RBM27: variants seen among roughly 807,000 people sequenced by gnomAD.
RBM27 encodes the protein RNA-binding protein 27.
RBM27 carries 22 observed loss-of-function variants against 135.3 expected under a neutral mutation model. The observed-to-expected ratio is 0.16, with a 90% CI of 0.12 to 0.23. The LOEUF (loss-of-function observed/expected upper bound fraction) is 0.23. Ranked by LOEUF, RBM27 falls within the 10% of genes least tolerant of loss-of-function variation. The pLI is 1.00. For missense variants in RBM27, 1,009 were observed against 1,281.0 expected, an observed-to-expected ratio of 0.79 and a Z score of 3.24; for synonymous variants, 481 against 442.4, an observed-to-expected ratio of 1.09 and a Z score of -1.10.
In RBM27 at chr5:146,280,106, C is replaced by T. The variant is rs1313013984; in HGVS notation, c.2989-4516C>T. On this transcript the variant is annotated intron_variant, in intron 19 of 20. Transcript: ENST00000265271. ...GTCTCAAGTCACCTGTCACCCAGGC[C>T]GGAGTGCAGTGGTACGATCTCAGCT... Among the ~76,000 whole-genome samples the T allele has an allele frequency of 7.2e-5, 11 of 151,764 alleles. 1 individual carries two copies. The East Asian group carries it at 1.2e-3, about 16-fold the overall frequency.
intron 14 of RBM27, among the ~76,000 whole-genome samples, chr5:146,263,914 G>A (rs1758501528): frequency 6.6e-6 from 1 of 151,186 alleles, no homozygotes; most frequent in Non-Finnish European, 1.5e-5. Flanking sequence ...AGACCAGCCT[G>A]GCCAAAATGG....
At chr5:146,216,030 G>A (rs1581141894) in intron 1 of RBM27, among the ~76,000 whole-genome samples, 1 of 152,202 alleles carries the variant, frequency 6.6e-6, no homozygotes, top group East Asian at 1.9e-4. Context: ...TTGCAGGCGT[G>A]AGCCACCGCG....
intron 1 of RBM27, among the ~76,000 whole-genome samples, chr5:146,206,395 G>T (rs1462798328): frequency 7.3e-6 from 1 of 137,686 alleles, no homozygotes; most frequent in Non-Finnish European, 1.5e-5. Context: ...TTTTTTTAAA[G>T]CTACTTAGAC....
At chr5:146,228,766 A>G (rs1756796139) in intron 3 of RBM27, among the ~76,000 whole-genome samples, 180 bp from the exon 4 acceptor site, 1 of 151,958 alleles carries the variant, frequency 6.6e-6, no homozygotes, top group African/African-American at 2.4e-5. Context: ...CACCATGCCC[A>G]GCTAACTTAT....
chr5:146,222,559 C>G (rs1233181380), intron 2 of RBM27, among the ~76,000 whole-genome samples: 1 of 152,210 alleles, frequency 6.6e-6, no homozygotes, highest in Non-Finnish European at 1.5e-5. Context: ...TGGCACATGC[C>G]TGTAATCCCA....
At chr5:146,243,258 C>T (rs889730998) in intron 8 of RBM27, among the ~76,000 whole-genome samples, 13 of 152,052 alleles carry the variant, frequency 8.5e-5, no homozygotes, top group Admixed American at 6.5e-4. Flanking sequence ...AAGAGCGAAA[C>T]GCCATCTCAA....
In RBM27 at chr5:146,240,290, T is replaced by TTCTGTCTGTCTG. The variant is rs574710950; in HGVS notation, c.1279+2861_1279+2862insGTCTGTCTGTCT. Among the ~76,000 whole-genome samples the TTCTGTCTGTCTG allele has an allele frequency of 2.0e-4, 29 of 146,582 alleles. No individual in the cohort carries two copies. The East Asian group carries it at 3.3e-3, about 17-fold the overall frequency. ...ATACTTGGAAGACATGATTGCTGTT[T>TTCTGTCTGTCTG]TCTATCTGTCTGTCTGTCTGTCTGT... On this transcript the variant is annotated intron_variant, in intron 8 of 20. Coordinates refer to ENST00000265271, the MANE Select transcript of RBM27 (RefSeq NM_018989.2).
chr5:146,204,405 A>G (rs1561517004), intron 1 of RBM27, among the ~76,000 whole-genome samples: 1 of 152,180 alleles, frequency 6.6e-6, no homozygotes, highest in East Asian at 1.9e-4. Context: ...GATGAAAAGG[A>G]TGTGTGGGCA....
chr5:146,271,414 A>C lies in RBM27; in HGVS notation c.2797-69A>C, dbSNP rs1035032889. 6 of 1,406,922 alleles carry C rather than the reference A, an allele frequency of 4.3e-6. No individual in the cohort carries two copies. The Admixed American group carries it at 1.4e-4, about 32-fold the overall frequency. 87.2% of individuals were successfully genotyped at this position (1,406,922 alleles called of 1,614,324 possible). On this transcript the variant is annotated intron_variant, in intron 18 of 20. Coordinates refer to ENST00000265271, the MANE Select transcript of RBM27 (RefSeq NM_018989.2). ...AAATTCCATCTCAAAAAAAAAAAAA[A>C]AGTTTTCCTTTGTTTTTAAGGTTTA... is the stretch of plus-strand genomic sequence containing the variant.
intron 19 of RBM27, among the ~76,000 whole-genome samples, chr5:146,276,134 A>G (rs1759082716): frequency 6.6e-6 from 1 of 151,618 alleles, no homozygotes; most frequent in African/African-American, 2.4e-5. Flanking sequence ...TGTAAGCATT[A>G]TATATTGACT....
In RBM27 at chr5:146,238,393, A is replaced by C. The variant is rs530487841; in HGVS notation, c.1279+961A>C. Among the ~76,000 whole-genome samples, 73 of 152,276 alleles carry C rather than the reference A, an allele frequency of 4.8e-4. 1 individual carries two copies. The East Asian group carries it at 0.014, about 29-fold the overall frequency. ...CGTTGTGGAGCATGCCTGTAGTCCC[A>C]GCAACTCGGGAGGCTGAGGCAGGAG... On this transcript the variant is annotated intron_variant, in intron 8 of 20. Transcript: ENST00000265271.
intron 14 of RBM27, among the ~76,000 whole-genome samples, chr5:146,266,123 A>G (rs1195240648): frequency 6.6e-6 from 1 of 152,166 alleles, no homozygotes; most frequent in African/African-American, 2.4e-5. Flanking sequence ...ATGGTATCAA[A>G]CCAGAAACTA....
At chr5:146,251,668 G>GT in intron 8 of RBM27, 43 bp from the exon 9 acceptor site, 1 of 1,528,298 alleles carries the variant, frequency 6.5e-7, no homozygotes, top group Non-Finnish European at 9.0e-7. Flanking sequence ...AGAGAAGCTT[G>GT]TGACTCTCAT....
At chr5:146,271,834 G>T (rs1758879772) in intron 19 of RBM27, among the ~76,000 whole-genome samples, 160 bp downstream of exon 19, 1 of 152,206 alleles carries the variant, frequency 6.6e-6, no homozygotes, top group African/African-American at 2.4e-5. Context: ...TAAAAGTCAA[G>T]AAGCAGCTCT....
intron 2 of RBM27, 44 bp from the exon 3 acceptor site, chr5:146,223,358 TG>T (rs1393736559): frequency 2.6e-6 from 4 of 1,546,140 alleles, no homozygotes; most frequent in Middle Eastern, 1.8e-4. Context: ...GTCAAATTTT[TG>T]TTTTTTGTTT....
chr5:146,261,112 C>G (rs1025571501), intron 12 of RBM27, among the ~76,000 whole-genome samples: 6 of 152,224 alleles, frequency 3.9e-5, no homozygotes, highest in Non-Finnish European at 8.8e-5. Context: ...TCTGCAATCT[C>G]TTCCTGAAAG....
chr5:146,282,157 C>T (rs1470472318), intron 19 of RBM27, among the ~76,000 whole-genome samples: 1 of 152,106 alleles, frequency 6.6e-6, no homozygotes, highest in East Asian at 1.9e-4. Context: ...GGGCGTGTGC[C>T]AGTACCCCTG....
chr5:146,273,791 A>G (rs976785432), intron 19 of RBM27, among the ~76,000 whole-genome samples: 1 of 152,208 alleles, frequency 6.6e-6, no homozygotes, highest in Non-Finnish European at 1.5e-5. Flanking sequence ...TGAGAAAATG[A>G]TGGATGGATT....
intron 7 of RBM27, among the ~76,000 whole-genome samples, chr5:146,236,811 A>G (rs779301476): frequency 8.7e-5 from 13 of 150,090 alleles, no homozygotes; most frequent in Non-Finnish European, 1.3e-4. Flanking sequence ...TTTAGTAGAG[A>G]TGGGGTTTCA....
Sources: allele counts gnomAD v4.1 joint callset (sites outside exome capture counted in the v4.1 genomes callset), GRCh38; gene constraint gnomAD v4.1.1; transcripts MANE v1.5; gene names NCBI Gene and HGNC (gene_info 2026-07-23, HGNC 2026-07-21).